FGD4: variants seen among roughly 807,000 people sequenced by gnomAD.
FGD4 encodes FYVE, RhoGEF and PH domain-containing protein 4.
FGD4 carries 42 observed loss-of-function variants against 102.0 expected under a neutral mutation model. The observed-to-expected ratio is 0.41, with a 90% CI of 0.32 to 0.53. The LOEUF is 0.53. Among genes scored for constraint, FGD4 ranks in the 20% least tolerant of loss-of-function variants. The pLI is 0.21. For synonymous variants in FGD4, 380 were observed against 375.7 expected, an observed-to-expected ratio of 1.01 and a Z score of -0.13; for missense variants, 902 against 1,078.2, an observed-to-expected ratio of 0.84 and a Z score of 2.29.
intron 1 of FGD4, among the ~76,000 whole-genome samples, chr12:32,533,061 A>G (rs1356396640): frequency 6.6e-6 from 1 of 152,198 alleles, no homozygotes; most frequent in Non-Finnish European, 1.5e-5. Flanking sequence ...AGCTCCTAGC[A>G]GGTGTGCAAT....
At chr12:32,563,098 C>T (rs1273566831) in intron 1 of FGD4, among the ~76,000 whole-genome samples, 1 of 147,526 alleles carries the variant, frequency 6.8e-6, no homozygotes, top group Non-Finnish European at 1.5e-5. Flanking sequence ...GGGGCTGACC[C>T]CCCCCACCTC....
chr12:32,417,402 G>A (rs768734362), intron 1 of FGD4, among the ~76,000 whole-genome samples: 1 of 151,926 alleles, frequency 6.6e-6, no homozygotes, highest in Non-Finnish European at 1.5e-5. Context: ...AGGTCTCCTG[G>A]CCTGTAAGGT....
intron 14 of FGD4, among the ~76,000 whole-genome samples, chr12:32,630,581 G>A (rs1160073673): frequency 2.0e-5 from 3 of 152,026 alleles, no homozygotes; most frequent in African/African-American, 7.2e-5. Context: ...TTAGGAGGCC[G>A]AGGCAGGTGG....
chr12:32,599,557 TTTTTTTTG>T lies in FGD4; in HGVS notation c.1101+972_1101+979del, dbSNP rs1234116938. Among the ~76,000 whole-genome samples the T allele has an allele frequency of 5.0e-3, 321 of 63,960 alleles. 7 individuals are homozygous for T. The highest frequency in any genetic ancestry group is 0.018 in the African/African-American group (185 of 10,356). 42.0% of individuals were successfully genotyped at this position (63,960 alleles called of 152,430 possible). A position where few individuals can be genotyped will look rare whatever the true frequency, so the allele number is the denominator to read the frequency against. ...ATCTTTTTTTTTTTTTTTTTTTTTTTTTTTTTTGGAGATGGAGTCTGGCCCTGTCGCCC... is the reference window on the plus strand; with the variant it reads ...ATCTTTTTTTTTTTTTTTTTTTTTTTGAGATGGAGTCTGGCCCTGTCGCCC... On this transcript the variant is annotated intron_variant, in intron 5 of 16. Transcript: ENST00000534526.
At chr12:32,548,404 A>G (rs1943400165) in intron 1 of FGD4, among the ~76,000 whole-genome samples, 1 of 152,096 alleles carries the variant, frequency 6.6e-6, no homozygotes, top group Non-Finnish European at 1.5e-5. Context: ...GTATTCTGAG[A>G]TCTTATGATA....
Position 32,488,913 on chromosome 12 carries a change from T to C in FGD4, c.167-75224T>C, listed in dbSNP as rs1591998414. ...GAGATCGCACCATTGCACTTCCGCC[T>C]GGGTGACAGGGCGAGACTCTGTCTC... On this transcript the variant is annotated intron_variant, in intron 1 of 16. Transcript: ENST00000534526. Among the ~76,000 whole-genome samples, 3 of 152,148 alleles carry C rather than the reference T, an allele frequency of 2.0e-5. No individual in the cohort carries two copies. In the East Asian group the frequency reaches 5.8e-4, roughly 29 times the overall value.
At chr12:32,454,757 T>G (rs150485906) in intron 1 of FGD4, among the ~76,000 whole-genome samples, 1 of 152,190 alleles carries the variant, frequency 6.6e-6, no homozygotes, top group Admixed American at 6.5e-5. Flanking sequence ...ATTTTGCTGG[T>G]ATCTTAAATT....
At chr12:32,495,456 G>A (rs1937739103) in intron 1 of FGD4, among the ~76,000 whole-genome samples, 1 of 152,102 alleles carries the variant, frequency 6.6e-6, no homozygotes, top group Non-Finnish European at 1.5e-5. Context: ...CAGCACTTTG[G>A]GAGGCTGAGG....
intron 4 of FGD4, among the ~76,000 whole-genome samples, chr12:32,587,374 GTATT>G (rs149737397): frequency 1.3e-5 from 2 of 150,468 alleles, no homozygotes; most frequent in Non-Finnish European, 1.5e-5. Context: ...TTTTTATTCT[GTATT>G]TATTTATTTA....
Position 32,582,254 on chromosome 12 carries a change from T to G in FGD4, c.798T>G (p.Asn266Lys). The change falls in exon 4 of 17, where the codon AAT (asparagine) becomes AAG (lysine). Residue 266 changes from asparagine (N) to lysine (K), a missense_variant. By Grantham distance (94) the Asn-to-Lys change is moderately conservative. Around this residue, in one of 2 missense-constraint regions of FGD4, gnomAD observed 443 missense variants for 459.2 expected, o/e 0.96. Coordinates refer to ENST00000534526, the MANE Select transcript of FGD4 (RefSeq NM_001370298.3). The part of the protein sequence containing the change: ...SEPLLDTHIV[N>K]GERDETATAP... ...CCTTGCTTGATACGCACATAGTGAA[T>G]GGAGAAAGAGATGAAACTGCCACAG... The G allele has an allele frequency of 6.2e-7, 1 of 1,614,190 alleles. No homozygotes were observed. The highest frequency in any genetic ancestry group is 8.5e-7 in the Non-Finnish European group (1 of 1,180,030).
intron 1 of FGD4, among the ~76,000 whole-genome samples, chr12:32,499,070 G>A (rs1373398953): frequency 1.3e-5 from 2 of 152,168 alleles, no homozygotes; most frequent in African/African-American, 4.8e-5. Flanking sequence ...GAGGAGTAAC[G>A]GCAAATGGAA....
chr12:32,534,015 C>T (rs1487819574), intron 1 of FGD4, among the ~76,000 whole-genome samples: 1 of 152,180 alleles, frequency 6.6e-6, no homozygotes, highest in African/African-American at 2.4e-5. Flanking sequence ...TAACCAACAT[C>T]TTTGGTCCAG....
rs556446018 is a variant in FGD4, at chr12:32,461,664, G to C, written c.166+61705G>C. On this transcript the variant is annotated intron_variant, in intron 1 of 16. Coordinates refer to ENST00000534526, the MANE Select transcript of FGD4 (RefSeq NM_001370298.3). ...AAAATATAAGTCTCTGCTGTGCTCT[G>C]TTCCCACAGTTTATGCCCTTTGCCT... 8.5e-5 allele frequency among the ~76,000 whole-genome samples: 13 copies of C among 152,304 alleles called. No homozygotes were observed. The East Asian group carries it at 2.5e-3, about 29-fold the overall frequency.
At chr12:32,498,706 C>T (rs1380020038) in intron 1 of FGD4, among the ~76,000 whole-genome samples, 1 of 152,002 alleles carries the variant, frequency 6.6e-6, no homozygotes, top group Non-Finnish European at 1.5e-5. Context: ...TGGGTTCAAG[C>T]GATTCTCCCA....
At chr12:32,446,969 A>G (rs563590230) in intron 1 of FGD4, among the ~76,000 whole-genome samples, 2 of 152,348 alleles carry the variant, frequency 1.3e-5, no homozygotes, top group East Asian at 3.9e-4. Flanking sequence ...CAGACAGTTC[A>G]GTGTGTTAGC....
intron 4 of FGD4, among the ~76,000 whole-genome samples, chr12:32,586,139 A>T (rs942193834): frequency 2.0e-5 from 3 of 152,208 alleles, no homozygotes; most frequent in African/African-American, 7.2e-5. Context: ...GTAAGCTAAG[A>T]ACAGACTGCA....
intron 1 of FGD4, among the ~76,000 whole-genome samples, chr12:32,438,099 C>T (rs952541483): frequency 6.6e-6 from 1 of 152,154 alleles, no homozygotes; most frequent in Non-Finnish European, 1.5e-5. Context: ...GCTGTGTTGG[C>T]CAGTCTGGTC....
intron 3 of FGD4, among the ~76,000 whole-genome samples, chr12:32,577,563 G>C (rs550081238): frequency 6.6e-6 from 1 of 152,194 alleles, no homozygotes; most frequent in South Asian, 2.1e-4. Context: ...CAGAGGCCCC[G>C]TCTATTTTAC....
chr12:32,630,926 C>T (rs946885980), intron 14 of FGD4, among the ~76,000 whole-genome samples: 2 of 151,436 alleles, frequency 1.3e-5, no homozygotes, highest in African/African-American at 2.4e-5. Flanking sequence ...TGCTGTGAGC[C>T]GAGATCACAC....
Sources: gnomAD v4.1 joint callset for allele counts (sites outside exome capture counted in the v4.1 genomes callset) on GRCh38, gnomAD v4.1.1 for gene constraint, gnomAD v4.1.1 regional missense constraint, MANE v1.5 for transcripts, NCBI Gene and HGNC (gene_info 2026-07-23, HGNC 2026-07-21) for gene names.